The following EPHA6 variants were observed in gnomAD, a reference collection of about 807,000 sequenced individuals.
The protein encoded by EPHA6 is EPH receptor A6.
EPHA6 carries 50 observed loss-of-function variants against 112.0 expected under a neutral mutation model. The ratio of observed to expected loss-of-function variants is 0.45; its 90% CI spans 0.36 to 0.56. The LOEUF (loss-of-function observed/expected upper bound fraction) is 0.56. Among genes scored for constraint, EPHA6 ranks in the 20% least tolerant of loss-of-function variants. The pLI, the probability that EPHA6 is intolerant of heterozygous loss-of-function variation, is 0.00. For synonymous variants in EPHA6, 529 were observed against 490.7 expected, an observed-to-expected ratio of 1.08 and a Z score of -1.03; for missense variants, 1,280 against 1,417.4, an observed-to-expected ratio of 0.90 and a Z score of 1.56.
intron 5 of EPHA6, among the ~76,000 whole-genome samples, chr3:97,404,173 C>T (rs908963333): frequency 2.0e-5 from 3 of 151,950 alleles, no homozygotes; most frequent in Non-Finnish European, 4.4e-5. Context: ...AGAGAGATTC[C>T]AAAAAGCCAA....
intron 3 of EPHA6, among the ~76,000 whole-genome samples, chr3:97,107,294 A>G (rs1041629677): frequency 1.1e-4 from 16 of 152,026 alleles, no homozygotes; most frequent in African/African-American, 3.9e-4. Flanking sequence ...AGCTGTTTGC[A>G]TTTTCATCGG....
intron 3 of EPHA6, among the ~76,000 whole-genome samples, chr3:97,117,193 GTTGT>G (rs1261515074): frequency 6.6e-6 from 1 of 151,452 alleles, no homozygotes; most frequent in Non-Finnish European, 1.5e-5. Flanking sequence ...TTACTATTGA[GTTGT>G]TTAAGTTCCT....
intron 7 of EPHA6, among the ~76,000 whole-genome samples, chr3:97,473,219 T>G (rs1297133447): frequency 6.6e-6 from 1 of 151,770 alleles, no homozygotes; most frequent in Admixed American, 6.6e-5. Flanking sequence ...AATAAGAGTA[T>G]TTAACACATT....
intron 5 of EPHA6, among the ~76,000 whole-genome samples, chr3:97,341,270 A>G (rs916448994): frequency 2.0e-5 from 3 of 152,184 alleles, no homozygotes; most frequent in Non-Finnish European, 4.4e-5. Context: ...GGAAAGGGAA[A>G]GAAGGGGCTA....
chr3:97,563,102 G>A (rs1254735430), intron 11 of EPHA6, among the ~76,000 whole-genome samples: 2 of 152,092 alleles, frequency 1.3e-5, no homozygotes, highest in Admixed American at 1.3e-4. Flanking sequence ...TATTGCAGTG[G>A]TCTGAAACCA....
intron 3 of EPHA6, among the ~76,000 whole-genome samples, chr3:96,992,269 CA>C (rs1331890171): frequency 6.6e-6 from 1 of 152,140 alleles, no homozygotes; most frequent in Non-Finnish European, 1.5e-5. Context: ...ACTGATCTTC[CA>C]GCCTCTACTC....
At chr3:97,177,979 C>T (rs903723589) in intron 3 of EPHA6, among the ~76,000 whole-genome samples, 1 of 151,926 alleles carries the variant, frequency 6.6e-6, no homozygotes, top group African/African-American at 2.4e-5. Context: ...AGGACTTACT[C>T]CTGCCATTTT....
intron 3 of EPHA6, among the ~76,000 whole-genome samples, chr3:97,018,894 C>T (rs1171186910): frequency 2.0e-5 from 3 of 152,162 alleles, no homozygotes; most frequent in Non-Finnish European, 4.4e-5. Flanking sequence ...CGCCTGGCAA[C>T]GGGCGTCTTC....
In EPHA6 at chr3:96,996,248, T is replaced by C. The variant is rs2043416844; in HGVS notation, c.1114+8255T>C. On this transcript the variant is annotated intron_variant, in intron 3 of 17. Coordinates refer to ENST00000389672, the MANE Select transcript of EPHA6 (RefSeq NM_001080448.3). The stretch of plus-strand genomic sequence containing the variant: ...TCTCTACTTCTGCTTTTTCTCTTGC[T>C]ATATCCACAACATCTGCAGTTATTT... Among the ~76,000 whole-genome samples the C allele has an allele frequency of 2.6e-5, 4 of 152,154 alleles. No homozygotes were observed. The South Asian group carries it at 8.3e-4, about 31-fold the overall frequency.
chr3:97,735,795 G>T, intron 15 of EPHA6, 130 bp from the exon 16 acceptor site: 2 of 585,122 alleles, frequency 3.4e-6, no homozygotes, highest in Non-Finnish European at 5.7e-6. Context: ...TCCTTATTTA[G>T]GTCCTTGTAC....
intron 15 of EPHA6, among the ~76,000 whole-genome samples, chr3:97,723,137 T>C (rs931654976): frequency 7.2e-5 from 11 of 152,204 alleles, no homozygotes; most frequent in Admixed American, 1.3e-4. Context: ...TTAGGACTTT[T>C]CTGAATCTCT....
intron 3 of EPHA6, among the ~76,000 whole-genome samples, chr3:97,115,945 G>T (rs986516054): frequency 6.6e-6 from 1 of 151,714 alleles, no homozygotes; most frequent in Non-Finnish European, 1.5e-5. Context: ...CATAGTACTT[G>T]CAGTGTAGTT....
intron 16 of EPHA6, chr3:97,745,316 T>C (rs2035665359): frequency 2.2e-6 from 1 of 445,082 alleles, no homozygotes; most frequent in Non-Finnish European, 4.5e-6. Context: ...GTAGATGCTA[T>C]GATAGCTTTC....
At chr3:97,532,028 C>G (rs931712961) in intron 10 of EPHA6, among the ~76,000 whole-genome samples, 6 of 152,032 alleles carry the variant, frequency 3.9e-5, no homozygotes, top group African/African-American at 9.7e-5. Flanking sequence ...AGAACAGGAA[C>G]AGAAGACATT....
intron 3 of EPHA6, among the ~76,000 whole-genome samples, chr3:97,038,958 A>T (rs1481615982): frequency 6.6e-6 from 1 of 152,052 alleles, no homozygotes; most frequent in Non-Finnish European, 1.5e-5. Flanking sequence ...TTCTGGTGAT[A>T]ATCTAGGCAC....
chr3:97,265,056 G>C (rs1005408010), intron 5 of EPHA6, among the ~76,000 whole-genome samples: 5 of 152,140 alleles, frequency 3.3e-5, no homozygotes, highest in African/African-American at 7.2e-5. Context: ...CAGCAGAGAG[G>C]TTAGTTCCTC....
chr3:97,128,872 CTTT>C (rs377407255), intron 3 of EPHA6, among the ~76,000 whole-genome samples: 4 of 117,516 alleles, frequency 3.4e-5, no homozygotes, highest in Non-Finnish European at 1.7e-5. Context: ...ATTTTTATGT[CTTT>C]TTTTTTTTTT....
intron 10 of EPHA6, among the ~76,000 whole-genome samples, chr3:97,523,436 T>G (rs1181124014): frequency 6.6e-6 from 1 of 152,118 alleles, no homozygotes; most frequent in Non-Finnish European, 1.5e-5. Context: ...AGAATTGTTT[T>G]GTGGCCTATT....
chr3:97,123,891 G>A (rs918415896), intron 3 of EPHA6, among the ~76,000 whole-genome samples: 11 of 151,896 alleles, frequency 7.2e-5, no homozygotes, highest in Non-Finnish European at 1.5e-4. Flanking sequence ...TGCATACATT[G>A]TCACAGAGAG....
Sources: gnomAD v4.1 joint callset for allele counts (sites outside exome capture counted in the v4.1 genomes callset) on GRCh38, gnomAD v4.1.1 for gene constraint, MANE v1.5 for transcripts, NCBI Gene and HGNC (gene_info 2026-07-23, HGNC 2026-07-21) for gene names.